SLC25A16: variants seen among roughly 807,000 people sequenced by gnomAD.
SLC25A16 encodes mitochondrial coenzyme A transporter SLC25A16.
A neutral mutation model predicts 41.5 loss-of-function variants in SLC25A16; 39 were observed. That is an observed-to-expected ratio of 0.94 (90% CI 0.73 to 1.23). The LOEUF (loss-of-function observed/expected upper bound fraction) is 1.23. Among genes scored for constraint, SLC25A16 ranks in the 50% most tolerant of loss-of-function variants. SLC25A16 has a pLI of 0.00. For synonymous variants in SLC25A16, 146 were observed against 147.8 expected, an observed-to-expected ratio of 0.99 and a Z score of 0.09; for missense variants, 421 against 426.9, an observed-to-expected ratio of 0.99 and a Z score of 0.12.
intron 6 of SLC25A16, among the ~76,000 whole-genome samples, chr10:68,492,459 AAAGTT>A (rs1315495055): frequency 2.0e-5 from 3 of 152,172 alleles, no homozygotes; most frequent in African/African-American, 7.2e-5. Context: ...CTCAAAATAA[AAAGTT>A]TAGTTTAAAA....
chr10:68,501,796 T>C (rs1367787438), intron 4 of SLC25A16, among the ~76,000 whole-genome samples: 1 of 152,124 alleles, frequency 6.6e-6, no homozygotes, highest in African/African-American at 2.4e-5. Flanking sequence ...GAGCGAATAA[T>C]GTTGGCACAA....
At chr10:68,498,531 C>T (rs1433745613) in intron 4 of SLC25A16, among the ~76,000 whole-genome samples, 1 of 150,362 alleles carries the variant, frequency 6.7e-6, no homozygotes, top group Non-Finnish European at 1.5e-5. Flanking sequence ...TCTGTCTCTA[C>T]AAAAAAAAAT....
rs994803720 is a variant in SLC25A16 at position 68,478,044 on chromosome 10, CAT to C, written c.*5386_*5387del. Reference sequence around the variant, plus strand: ...TTATTGACAAGTTCAAATTTAATGACATGTTACAGTTTCATTTGAACAGTGTA... The same window carrying C: ...TTATTGACAAGTTCAAATTTAATGACGTTACAGTTTCATTTGAACAGTGTA... On this transcript the variant is annotated 3_prime_UTR_variant, in exon 9 of 9. Transcript: ENST00000609923. 8.5e-5 allele frequency: 13 copies of C among 152,108 alleles called. No homozygotes were observed. The highest frequency in any genetic ancestry group is 2.2e-4 in the African/African-American group (9 of 41,414). 9.4% of individuals were successfully genotyped at this position (152,108 alleles called of 1,614,324 possible). A position where few individuals can be genotyped will look rare whatever the true frequency, so the allele number is the denominator to read the frequency against.
At chr10:68,516,897 G>T in intron 1 of SLC25A16, 54 bp from the exon 2 acceptor site, 1 of 1,384,832 alleles carries the variant, frequency 7.2e-7, no homozygotes, top group Non-Finnish European at 1.0e-6. Flanking sequence ...CTTTCCAGAT[G>T]GAAATCATTA....
intron 2 of SLC25A16, among the ~76,000 whole-genome samples, chr10:68,508,826 A>G (rs2053004805): frequency 6.6e-6 from 1 of 152,306 alleles, no homozygotes; most frequent in African/African-American, 2.4e-5. Flanking sequence ...AGGGTAATCA[A>G]ATTTAGAGTA....
At position 68,527,482 on chromosome 10, in the gene SLC25A16, G is replaced by A. The variant is rs1218006660; in HGVS notation, c.-107C>T. Reference sequence around the variant, plus strand: ...GGAGGCTGACCGCCCCGCCGGCGGGGCAAAGTAACACCCGGCGGCGCGGCG... The same window carrying A: ...GGAGGCTGACCGCCCCGCCGGCGGGACAAAGTAACACCCGGCGGCGCGGCG... On this transcript the variant is annotated 5_prime_UTR_variant, in exon 1 of 9. Transcript: ENST00000609923. 8.8e-6 allele frequency: 10 copies of A among 1,134,442 alleles called. No individual in the cohort carries two copies. The African/African-American group carries it at 1.0e-4, about 11-fold the overall frequency. The allele number at this position is 1,134,442 out of a possible 1,614,324, so 70.3% of individuals were successfully genotyped here.
At chr10:68,513,984 G>A (rs568442286) in intron 2 of SLC25A16, among the ~76,000 whole-genome samples, 4 of 152,080 alleles carry the variant, frequency 2.6e-5, no homozygotes, top group South Asian at 4.1e-4. Context: ...ATTATTTGAC[G>A]TTAGGAGTTC....
chr10:68,484,392 T>C (rs187298005), intron 8 of SLC25A16, among the ~76,000 whole-genome samples: 43 of 151,776 alleles, frequency 2.8e-4, no homozygotes, highest in African/African-American at 9.9e-4. Context: ...TCCCTTTCAA[T>C]AGGCAATCTG....
In SLC25A16 at chr10:68,527,473, G is replaced by T; in HGVS notation, c.-98C>A. 1 of 1,235,134 alleles carries T rather than the reference G, an allele frequency of 8.1e-7. No individual in the cohort carries two copies. Among genetic ancestry groups the T allele is most frequent in the Non-Finnish European group, 1.1e-6 (1 of 939,244 alleles). 76.5% of individuals were successfully genotyped at this position (1,235,134 alleles called of 1,614,324 possible). A position where few individuals can be genotyped will look rare whatever the true frequency, so the allele number is the denominator to read the frequency against. ...GCGGTGACAGGAGGCTGACCGCCCC[G>T]CCGGCGGGGCAAAGTAACACCCGGC... On this transcript the variant is annotated 5_prime_UTR_variant, in exon 1 of 9. Coordinates refer to ENST00000609923, the MANE Select transcript of SLC25A16 (RefSeq NM_152707.4).
At chr10:68,488,327 A>G in intron 7 of SLC25A16, 140 bp downstream of exon 7, 1 of 553,552 alleles carries the variant, frequency 1.8e-6, no homozygotes. Flanking sequence ...CATCTGAAAA[A>G]ATGTATTAAA....
chr10:68,480,332 A>G lies in SLC25A16; in HGVS notation c.*3100T>C, dbSNP rs2052470190. The G allele has an allele frequency of 6.6e-6, 1 of 152,176 alleles. No homozygotes were observed. Among genetic ancestry groups the G allele is most frequent in the Admixed American group, 6.6e-5 (1 of 15,260 alleles). The allele number at this position is 152,176 out of a possible 1,614,324, so 9.4% of individuals were successfully genotyped here. ...TCTTCCATTCTGACTTATGTTTAGCATTTGTGCTTCAATATGTAAACAGTT... is the reference window on the plus strand; with the variant it reads ...TCTTCCATTCTGACTTATGTTTAGCGTTTGTGCTTCAATATGTAAACAGTT... On this transcript the variant is annotated 3_prime_UTR_variant, in exon 9 of 9. Coordinates refer to ENST00000609923, the MANE Select transcript of SLC25A16 (RefSeq NM_152707.4).
chr10:68,518,535 G>C (rs2053197807), intron 1 of SLC25A16, among the ~76,000 whole-genome samples: 1 of 151,842 alleles, frequency 6.6e-6, no homozygotes, highest in Non-Finnish European at 1.5e-5. Context: ...CAGCACTTTG[G>C]GAGGCCGAGG....
At chr10:68,486,231 CAAAA>C (rs569434507) in intron 8 of SLC25A16, among the ~76,000 whole-genome samples, 1 of 85,058 alleles carries the variant, frequency 1.2e-5, no homozygotes, top group South Asian at 3.3e-4. Flanking sequence ...AAAAACAAAA[CAAAA>C]AAAAAAAAAA....
chr10:68,494,221 T>C (rs1021351036), intron 4 of SLC25A16, among the ~76,000 whole-genome samples: 4 of 152,160 alleles, frequency 2.6e-5, no homozygotes, highest in Non-Finnish European at 5.9e-5. Context: ...TCCCAGCACT[T>C]TGGGAGGCCG....
At chr10:68,522,180 A>T (rs1343729370) in intron 1 of SLC25A16, among the ~76,000 whole-genome samples, 3 of 152,006 alleles carry the variant, frequency 2.0e-5, no homozygotes, top group African/African-American at 7.2e-5. Flanking sequence ...AAAAAGAAAA[A>T]AGAAAAGAAG....
chr10:68,511,714 A>G (rs916630490), intron 2 of SLC25A16, among the ~76,000 whole-genome samples: 3 of 151,956 alleles, frequency 2.0e-5, no homozygotes, highest in Non-Finnish European at 4.4e-5. Context: ...TTTTTTGGAG[A>G]CAGAGTCTCA....
At chr10:68,499,728 G>C in intron 4 of SLC25A16, 1 of 396,332 alleles carries the variant, frequency 2.5e-6, no homozygotes, top group South Asian at 2.5e-5. Flanking sequence ...ATAAAGGTCA[G>C]CAAATTGGCA....
intron 4 of SLC25A16, among the ~76,000 whole-genome samples, chr10:68,501,091 A>G (rs1458195208): frequency 1.3e-5 from 2 of 151,924 alleles, no homozygotes; most frequent in Non-Finnish European, 2.9e-5. Flanking sequence ...GTCTCTACTA[A>G]AAACACAAAA....
At chr10:68,500,411 G>T (rs191990105) in intron 4 of SLC25A16, among the ~76,000 whole-genome samples, 321 of 152,124 alleles carry the variant, frequency 2.1e-3, no homozygotes, top group Non-Finnish European at 4.0e-3. Context: ...AGGTTCAAGC[G>T]ATTCTCCTGC....
Sources: gnomAD v4.1 joint callset for allele counts (sites outside exome capture counted in the v4.1 genomes callset) on GRCh38, gnomAD v4.1.1 for gene constraint, MANE v1.5 for transcripts, NCBI Gene and HGNC (gene_info 2026-07-23, HGNC 2026-07-21) for gene names.